The following FKBP1B variants were observed in gnomAD, a reference collection of about 807,000 sequenced individuals.
FKBP1B encodes peptidyl-prolyl cis-trans isomerase FKBP1B.
Under a neutral mutation model 13.5 loss-of-function variants are expected in FKBP1B, and 4 were observed. The observed-to-expected ratio is 0.30, with a 90% CI of 0.15 to 0.68. FKBP1B has a LOEUF of 0.68. Among genes scored for constraint, FKBP1B ranks in the 30% least tolerant of loss-of-function variants. FKBP1B has a pLI of 0.76. For missense variants in FKBP1B, 93 were observed against 136.2 expected (o/e 0.68, Z 1.58); for synonymous variants, 54 against 53.6 (o/e 1.01, Z -0.03).
intron 1 of FKBP1B, among the ~76,000 whole-genome samples, chr2:24,052,803 C>T (rs1663940480): frequency 1.3e-5 from 2 of 151,880 alleles, no homozygotes; most frequent in South Asian, 4.2e-4. Flanking sequence ...CCTGTCTCTA[C>T]AAATTTTTTT....
chr2:24,038,150 A>T, the FKBP1B span: 23 of 1,614,238 alleles, frequency 1.4e-5, no homozygotes, highest in South Asian at 2.4e-4. Context: ...CTGAAAGTAG[A>T]GTAGGTAGTC....
the FKBP1B span, chr2:24,039,537 A>G: frequency 6.3e-7 from 1 of 1,585,076 alleles, no homozygotes; most frequent in East Asian, 2.2e-5. Flanking sequence ...AAGGAAAGTT[A>G]CACCATGAGA....
At chr2:24,061,177 T>C (rs1360266219) in intron 3 of FKBP1B, among the ~76,000 whole-genome samples, 5 of 152,074 alleles carry the variant, frequency 3.3e-5, no homozygotes, top group African/African-American at 9.7e-5. Flanking sequence ...CAGAACTAGC[T>C]GAGAGAGCCA....
chr2:24,061,765 T>C (rs975861363), intron 3 of FKBP1B, among the ~76,000 whole-genome samples: 2 of 152,226 alleles, frequency 1.3e-5, no homozygotes, highest in East Asian at 3.8e-4. Flanking sequence ...ATTGTCCCAC[T>C]AATGCTGAGT....
chr2:24,049,332 G>A (rs1663738875), upstream of FKBP1B, among the ~76,000 whole-genome samples: 1 of 152,122 alleles, frequency 6.6e-6, no homozygotes, highest in African/African-American at 2.4e-5. Flanking sequence ...TCGCGCCACT[G>A]GACTCCAGCC....
chr2:24,063,016 A>G, intron 3 of FKBP1B, 48 bp from the exon 4 acceptor site: 2 of 1,614,096 alleles, frequency 1.2e-6, no homozygotes, highest in Non-Finnish European at 1.7e-6. Flanking sequence ...CTTTTAAATC[A>G]AGCTGGGTCC....
In FKBP1B at chr2:24,050,088, A is replaced by G. The variant is rs1052319901; in HGVS notation, c.37+202A>G. On this transcript the variant is annotated intron_variant, in intron 1 of 3. Transcript: ENST00000380986. This position sits in a 1 kb window ranked among gnomAD's most constrained non-coding sequence, Gnocchi z 5.8. ...TCCTCTTCCGCGCTCACCTAGGGGA[A>G]TGTAGGCGGCAGCTCGGAGGCGGGG... 2.0e-5 allele frequency among the ~76,000 whole-genome samples: 3 copies of G among 151,568 alleles called. No homozygotes were observed. The highest frequency in any genetic ancestry group is 4.4e-5 in the Non-Finnish European group (3 of 67,848).
chr2:24,033,948 A>T, the FKBP1B span, among the ~76,000 whole-genome samples: 4 of 152,210 alleles, frequency 2.6e-5, no homozygotes, highest in Non-Finnish European at 5.9e-5. Flanking sequence ...GAATATGTCC[A>T]CTAATATTTT....
chr2:24,037,776 C>G, the FKBP1B span: 1 of 1,614,110 alleles, frequency 6.2e-7, no homozygotes, highest in Non-Finnish European at 8.5e-7. Flanking sequence ...CAGAAAGACA[C>G]CGTTGCATTT....
the FKBP1B span, among the ~76,000 whole-genome samples, chr2:24,044,194 G>A: frequency 6.6e-6 from 1 of 152,084 alleles, no homozygotes. Flanking sequence ...ATGTCAATGA[G>A]GGTGTGTGTG....
intron 3 of FKBP1B, among the ~76,000 whole-genome samples, chr2:24,061,505 T>C (rs1416473150): frequency 4.6e-5 from 7 of 152,146 alleles, no homozygotes; most frequent in African/African-American, 1.7e-4. Context: ...TGCCTGGGAC[T>C]GAGGTAGTGG....
upstream of FKBP1B, among the ~76,000 whole-genome samples, chr2:24,045,663 G>A (rs566152330): frequency 1.5e-5 from 2 of 136,650 alleles, no homozygotes; most frequent in African/African-American, 6.0e-5. Flanking sequence ...GGAAGGGGGA[G>A]GGGGAGGGAA....
At chr2:24,058,020 A>G (rs1157159802) in intron 2 of FKBP1B, among the ~76,000 whole-genome samples, 1 of 151,858 alleles carries the variant, frequency 6.6e-6, no homozygotes, top group African/African-American at 2.4e-5. Context: ...AACATGGTGA[A>G]ACCCTGTCTC....
At chr2:24,039,590 G>A in the FKBP1B span, 36 of 1,308,544 alleles carry the variant, frequency 2.8e-5, no homozygotes, top group Admixed American at 6.7e-5. Context: ...GTAAGACAAC[G>A]GCTTAGCCCC....
chr2:24,058,452 A>C (rs1385424261), intron 2 of FKBP1B, among the ~76,000 whole-genome samples: 1 of 152,238 alleles, frequency 6.6e-6, no homozygotes, highest in Non-Finnish European at 1.5e-5. Context: ...TGTCCAATCA[A>C]ATCACCATGT....
At chr2:24,035,746 C>T in the FKBP1B span, among the ~76,000 whole-genome samples, 1 of 151,350 alleles carries the variant, frequency 6.6e-6, no homozygotes, top group Non-Finnish European at 1.5e-5. Flanking sequence ...AAGACCTTGT[C>T]TCTATAGTTA....
intron 2 of FKBP1B, among the ~76,000 whole-genome samples, chr2:24,055,130 A>G (rs372461516): frequency 4.6e-5 from 7 of 152,020 alleles, no homozygotes; most frequent in East Asian, 3.9e-4. Context: ...CAGCATCCCC[A>G]AAAGTCCCCC....
rs1663825373 is a variant in FKBP1B, at chr2:24,050,634, T to C, written c.37+748T>C. Among the ~76,000 whole-genome samples, 1 of 152,176 alleles carries C rather than the reference T, an allele frequency of 6.6e-6. No individual in the cohort carries two copies. The highest frequency in any genetic ancestry group is 1.5e-5 in the Non-Finnish European group (1 of 68,036). On this transcript the variant is annotated intron_variant, in intron 1 of 3. Transcript: ENST00000380986. This position sits in a 1 kb window ranked among gnomAD's most constrained non-coding sequence, Gnocchi z 5.8. Reference sequence around the variant, plus strand: ...ATCCTCTTTATCCCCCTTCCGTGTCTCACTTTCCCAAGTCCTTGTATTACT... The same window carrying C: ...ATCCTCTTTATCCCCCTTCCGTGTCCCACTTTCCCAAGTCCTTGTATTACT...
chr2:24,061,925 A>G (rs1258859953), intron 3 of FKBP1B, among the ~76,000 whole-genome samples: 1 of 152,104 alleles, frequency 6.6e-6, no homozygotes, highest in Non-Finnish European at 1.5e-5. Flanking sequence ...GCTGGACTGC[A>G]GTGGCGCAAT....
Sources: allele counts gnomAD v4.1 joint callset (sites outside exome capture counted in the v4.1 genomes callset), GRCh38; gene constraint gnomAD v4.1.1; non-coding constraint Gnocchi (gnomAD v3.1); transcripts MANE v1.5; gene names NCBI Gene and HGNC (gene_info 2026-07-23, HGNC 2026-07-21).